DGKB: variants seen among roughly 807,000 people sequenced by gnomAD.
DGKB encodes the protein diacylglycerol kinase beta, also known as 90 kDa diacylglycerol kinase.
DGKB carries 67 observed loss-of-function variants against 114.3 expected under a neutral mutation model. The ratio of observed to expected loss-of-function variants is 0.59; its 90% confidence interval spans 0.48 to 0.72. DGKB has a LOEUF of 0.72. Ranked by LOEUF, DGKB falls within the 30% of genes least tolerant of loss-of-function variation. DGKB has a pLI of 0.00. For missense variants in DGKB, 907 were observed against 975.2 expected (o/e 0.93, Z 0.93); for synonymous variants, 398 against 323.1 (o/e 1.23, Z -2.49).
chr7:14,696,553 A>C (rs1433932725), intron 8 of DGKB, among the ~76,000 whole-genome samples: 2 of 150,544 alleles, frequency 1.3e-5, no homozygotes, highest in Non-Finnish European at 3.0e-5. Context: ...ATGGAAAAAC[A>C]AATCCCCCTC....
rs1819613424 is a variant in DGKB, at chr7:14,675,054, C to T, written c.1036-2027G>A. On this transcript the variant is annotated intron_variant, in intron 12 of 25. Transcript: ENST00000402815. The stretch of plus-strand genomic sequence containing the variant: ...CACTATGGATGTCACAGAGAAAGAG[C>T]TTTGGCTCTTTAATCTTGGGCAACT... Among the ~76,000 whole-genome samples the T allele has an allele frequency of 2.6e-5, 4 of 152,118 alleles. No homozygotes were observed. In the South Asian group the frequency reaches 8.3e-4, roughly 32 times the overall value.
intron 23 of DGKB, among the ~76,000 whole-genome samples, chr7:14,308,941 C>G (rs1208133528): frequency 6.6e-6 from 1 of 152,134 alleles, no homozygotes; most frequent in African/African-American, 2.4e-5. Flanking sequence ...ATAGGCTGTG[C>G]ATGGTGGCTC....
At chr7:14,578,458 T>C (rs1435994175) in intron 19 of DGKB, among the ~76,000 whole-genome samples, 1 of 152,124 alleles carries the variant, frequency 6.6e-6, no homozygotes. Context: ...TGTCAAGAAA[T>C]AATCCCACCG....
intron 23 of DGKB, among the ~76,000 whole-genome samples, chr7:14,267,570 G>A (rs1797699363): frequency 6.6e-6 from 1 of 151,480 alleles, no homozygotes; most frequent in South Asian, 2.1e-4. Flanking sequence ...CTCACTGCAA[G>A]CTCCACCTCC....
At chr7:14,801,534 G>C (rs1037139358) in intron 2 of DGKB, among the ~76,000 whole-genome samples, 3 of 152,122 alleles carry the variant, frequency 2.0e-5, no homozygotes, top group Admixed American at 6.6e-5. Flanking sequence ...GCATCATCCA[G>C]TCTACTCAGA....
intron 20 of DGKB, among the ~76,000 whole-genome samples, chr7:14,553,865 CTT>C (rs58879064): frequency 2.8e-5 from 2 of 71,226 alleles, no homozygotes; most frequent in African/African-American, 1.2e-4. Flanking sequence ...CCTTTACATG[CTT>C]TTTTTTTTTT....
intron 2 of DGKB, among the ~76,000 whole-genome samples, chr7:14,803,675 C>CACGT (rs10658306): frequency 2.0e-5 from 3 of 151,498 alleles, no homozygotes; most frequent in Non-Finnish European, 4.4e-5. Flanking sequence ...GTTGTGTATG[C>CACGT]GTTTTGGTCT....
chr7:14,181,567 A>G (rs1339178757), intron 23 of DGKB, among the ~76,000 whole-genome samples: 2 of 152,220 alleles, frequency 1.3e-5, no homozygotes, highest in Admixed American at 6.5e-5. Context: ...AGTGTGCTCA[A>G]TCATTGCCTC....
intron 2 of DGKB, among the ~76,000 whole-genome samples, chr7:14,833,400 T>TTA (rs35429786): frequency 0.77 from 116,248 of 151,838 alleles, 44,945 homozygotes; most frequent in Admixed American, 0.83. Context: ...AGATTTATGT[T>TTA]TGTTTTTATG....
chr7:14,829,216 G>A (rs1846093664), intron 2 of DGKB, among the ~76,000 whole-genome samples: 1 of 152,066 alleles, frequency 6.6e-6, no homozygotes, highest in South Asian at 2.1e-4. Flanking sequence ...AGTGCTGTCT[G>A]CAAATTCTAA....
At chr7:14,699,253 G>A (rs897601820) in intron 7 of DGKB, among the ~76,000 whole-genome samples, 2 of 152,080 alleles carry the variant, frequency 1.3e-5, no homozygotes, top group African/African-American at 2.4e-5. Flanking sequence ...TTGAATTATA[G>A]GTTAAAAGTG....
chr7:14,435,639 G>A (rs1829128007), intron 21 of DGKB, among the ~76,000 whole-genome samples: 1 of 152,014 alleles, frequency 6.6e-6, no homozygotes, highest in Non-Finnish European at 1.5e-5. Flanking sequence ...TATATTCAAT[G>A]CCATGTTATC....
At chr7:14,682,286 C>T (rs1033174139) in intron 12 of DGKB, among the ~76,000 whole-genome samples, 145 of 152,140 alleles carry the variant, frequency 9.5e-4, no homozygotes, top group African/African-American at 3.4e-3. Flanking sequence ...TTCCTGGGAA[C>T]CTCTAACACT....
intron 2 of DGKB, among the ~76,000 whole-genome samples, chr7:14,760,995 A>C (rs17168398): frequency 0.061 from 9,258 of 152,202 alleles, 409 homozygotes; most frequent in Admixed American, 0.12. Context: ...GGGCTCAACA[A>C]TGACTTGGTC....
intron 25 of DGKB, among the ~76,000 whole-genome samples, chr7:14,158,463 G>GT (rs1359585053): frequency 1.3e-5 from 2 of 152,172 alleles, no homozygotes; most frequent in East Asian, 1.9e-4. Context: ...AATCAAGGGA[G>GT]TCCAATAAGC....
chr7:14,878,755 C>CAAAAAAAAAAAAAACA (rs5882472), intron 1 of DGKB, among the ~76,000 whole-genome samples: 1 of 113,276 alleles, frequency 8.8e-6, no homozygotes, highest in African/African-American at 3.6e-5. Context: ...TCTCAAAAAA[C>CAAAAAAAAAAAAAACA]AAAAAAAAAA....
intron 21 of DGKB, among the ~76,000 whole-genome samples, chr7:14,431,970 AT>A (rs5882446): frequency 0.097 from 14,736 of 152,144 alleles, 941 homozygotes; most frequent in East Asian, 0.28. Flanking sequence ...ATGTCTTGAC[AT>A]TTGTTAGCTG....
chr7:14,869,805 T>C (rs1381150183), intron 1 of DGKB, among the ~76,000 whole-genome samples: 1 of 152,166 alleles, frequency 6.6e-6, no homozygotes, highest in East Asian at 1.9e-4. Flanking sequence ...TACATATATT[T>C]ACACATATCC....
intron 13 of DGKB, among the ~76,000 whole-genome samples, chr7:14,636,254 T>A (rs1484750605): frequency 1.3e-5 from 2 of 151,786 alleles, no homozygotes; most frequent in Admixed American, 1.3e-4. Flanking sequence ...AGTTCTGAGT[T>A]ATAGACTCTT....
Sources: gnomAD v4.1 joint callset for allele counts (sites outside exome capture counted in the v4.1 genomes callset) on GRCh38, gnomAD v4.1.1 for gene constraint, MANE v1.5 for transcripts, NCBI Gene and HGNC (gene_info 2026-07-23, HGNC 2026-07-21) for gene names.